NHS: variants seen among roughly 807,000 people sequenced by gnomAD.
NHS encodes the protein NHS actin remodeling regulator, also known as actin remodeling regulator NHS.
In NHS, 5 loss-of-function variants were observed where a neutral mutation model predicts 72.5. The ratio of observed to expected loss-of-function variants is 0.07; its 90% CI spans 0.04 to 0.14. The LOEUF is 0.14. Ranked by LOEUF, NHS falls within the 10% of genes least tolerant of loss-of-function variation. The pLI is 1.00. For synonymous variants in NHS, 464 were observed against 547.7 expected, an observed-to-expected ratio of 0.85 and a Z score of 2.13; for missense variants, 1,072 against 1,355.7, an observed-to-expected ratio of 0.79 and a Z score of 3.29.
At chrX:17,470,733 C>T (rs983286108) in intron 1 of NHS, among the ~76,000 whole-genome samples, 10 of 111,319 alleles carry the variant, frequency 9.0e-5, no homozygotes, top group Non-Finnish European at 1.3e-4. Flanking sequence ...CTTGCTTTCT[C>T]GGTTCCTTCA....
intron 1 of NHS, among the ~76,000 whole-genome samples, chrX:17,619,647 A>G (rs1359709527): frequency 8.9e-6 from 1 of 112,371 alleles, no homozygotes; most frequent in Admixed American, 9.4e-5. Flanking sequence ...TCTGGGGCAG[A>G]TGCAACTGTG....
chrX:17,391,900 C>T (rs1397491551), intron 1 of NHS, among the ~76,000 whole-genome samples: 1 of 111,757 alleles, frequency 8.9e-6, no homozygotes, highest in African/African-American at 3.3e-5. Context: ...GACATGTCTT[C>T]TCTTTGTAGT....
intron 1 of NHS, among the ~76,000 whole-genome samples, chrX:17,633,293 T>A (rs1268487616): frequency 8.9e-6 from 1 of 112,211 alleles, no homozygotes; most frequent in Non-Finnish European, 1.9e-5. Context: ...TTTTTGTGTT[T>A]TATTTCTGTC....
chrX:17,648,061 T>C (rs1265302243), intron 1 of NHS, among the ~76,000 whole-genome samples: 1 of 111,800 alleles, frequency 8.9e-6, no homozygotes, highest in Non-Finnish European at 1.9e-5. Flanking sequence ...TTTTGACATA[T>C]GGCCAGAAAT....
intron 1 of NHS, among the ~76,000 whole-genome samples, chrX:17,561,567 C>T (rs1034818473): frequency 3.3e-4 from 26 of 78,856 alleles, no homozygotes; most frequent in Middle Eastern, 7.0e-3. Flanking sequence ...TGCGCGCGCG[C>T]GCGCGCGCAC....
At chrX:17,687,411 C>T (rs1257628793) in intron 1 of NHS, 2 of 274,265 alleles carry the variant, frequency 7.3e-6, no homozygotes, top group South Asian at 5.5e-5. Context: ...CCATCTCCAC[C>T]CCCAAGCAGG....
At chrX:17,689,716 C>G (rs2066184339) in intron 2 of NHS, among the ~76,000 whole-genome samples, 1 of 112,389 alleles carries the variant, frequency 8.9e-6, no homozygotes, top group African/African-American at 3.2e-5. Context: ...TTGCAAAAAA[C>G]TGGTTGAACA....
At chrX:17,463,373 T>G (rs772499965) in intron 1 of NHS, among the ~76,000 whole-genome samples, 8 of 99,373 alleles carry the variant, frequency 8.1e-5, no homozygotes, top group East Asian at 3.0e-4. Context: ...AATGGTGGGG[T>G]TTTTTTTTTT....
intron 1 of NHS, among the ~76,000 whole-genome samples, chrX:17,512,794 T>TA (rs149853466): frequency 0.34 from 37,477 of 111,289 alleles, 4,943 homozygotes; most frequent in African/African-American, 0.47. Context: ...CTTCTAAACC[T>TA]AGCTAAAATT....
intron 1 of NHS, among the ~76,000 whole-genome samples, chrX:17,609,472 T>C: frequency 9.0e-6 from 1 of 111,520 alleles, no homozygotes; most frequent in South Asian, 3.8e-4. Context: ...ATTTGGGTGG[T>C]GGTGGTGGTT....
chrX:17,697,423 C>G (rs1282305671), intron 3 of NHS, among the ~76,000 whole-genome samples: 2 of 111,738 alleles, frequency 1.8e-5, no homozygotes, highest in South Asian at 3.7e-4. Context: ...TTAGCAGATC[C>G]ACATAGAGTG....
chrX:17,669,420 CA>C (rs1445105762), intron 1 of NHS, among the ~76,000 whole-genome samples: 1 of 112,007 alleles, frequency 8.9e-6, no homozygotes, highest in African/African-American at 3.3e-5. Context: ...GTAGGGTCTT[CA>C]ATATGAATGG....
intron 1 of NHS, among the ~76,000 whole-genome samples, chrX:17,680,850 T>C (rs2066124085): frequency 8.9e-6 from 1 of 112,324 alleles, no homozygotes; most frequent in South Asian, 3.7e-4. Context: ...AGCTGAGCTG[T>C]GACAGATGAC....
chrX:17,537,113 G>C (rs750182498), intron 1 of NHS, among the ~76,000 whole-genome samples: 233 of 112,303 alleles, frequency 2.1e-3, no homozygotes, highest in Non-Finnish European at 3.6e-3. Context: ...TACAAAAAAA[G>C]GATAAGTGGG....
intron 1 of NHS, among the ~76,000 whole-genome samples, chrX:17,472,808 T>C (rs377711705): frequency 1.8e-5 from 2 of 112,092 alleles, no homozygotes; most frequent in South Asian, 7.4e-4. Flanking sequence ...GTAGCCACCA[T>C]GTGCAGAACA....
chrX:17,465,949 A>G (rs1187334524), intron 1 of NHS, among the ~76,000 whole-genome samples: 3 of 112,832 alleles, frequency 2.7e-5, no homozygotes, highest in East Asian at 2.8e-4. Context: ...CCTTCGTTAT[A>G]TAACGGAATT....
At chrX:17,548,729 C>G (rs189936798) in intron 1 of NHS, among the ~76,000 whole-genome samples, 1 of 111,866 alleles carries the variant, frequency 8.9e-6, no homozygotes, top group Non-Finnish European at 1.9e-5. Flanking sequence ...CATGCATGAT[C>G]TTCCAGACAG....
chrX:17,557,900 G>C (rs1364975631), intron 1 of NHS, among the ~76,000 whole-genome samples: 1 of 112,250 alleles, frequency 8.9e-6, no homozygotes, highest in East Asian at 2.8e-4. Flanking sequence ...CCACCTCATA[G>C]GGCAACTCAC....
At chrX:17,731,089 T>G (rs2066483498) in intron 8 of NHS, among the ~76,000 whole-genome samples, 1 of 111,355 alleles carries the variant, frequency 9.0e-6, no homozygotes, top group Non-Finnish European at 1.9e-5. Context: ...TTGCTTTCTC[T>G]GGTATTATTT....
Sources: allele counts gnomAD v4.1 joint callset (sites outside exome capture counted in the v4.1 genomes callset), GRCh38; gene constraint gnomAD v4.1.1; transcripts MANE v1.5; gene names NCBI Gene and HGNC (gene_info 2026-07-23, HGNC 2026-07-21).